The following CYRIB variants were observed in gnomAD, a reference collection of about 807,000 sequenced individuals.
CYRIB encodes the protein CYFIP related Rac1 interactor B.
In CYRIB, 8 loss-of-function variants were observed where a neutral mutation model predicts 44.2. The observed-to-expected ratio is 0.18, with a 90% CI of 0.11 to 0.33. The LOEUF is 0.33. Among genes scored for constraint, CYRIB ranks in the 10% least tolerant of loss-of-function variants. The pLI is 1.00. For synonymous variants in CYRIB, 131 were observed against 127.2 expected, an observed-to-expected ratio of 1.03 and a Z score of -0.20; for missense variants, 185 against 382.8, an observed-to-expected ratio of 0.48 and a Z score of 4.31.
chr8:129,997,119 AAGG>A (rs138647640), intron 1 of CYRIB, among the ~76,000 whole-genome samples: 51 of 89,928 alleles, frequency 5.7e-4, no homozygotes, highest in Middle Eastern at 6.0e-3. Flanking sequence ...GGAAGGAAGG[AAGG>A]AGGAGGAGGA....
intron 2 of CYRIB, among the ~76,000 whole-genome samples, chr8:129,892,176 G>A (rs1310715154): frequency 1.3e-5 from 2 of 151,986 alleles, no homozygotes; most frequent in Admixed American, 1.3e-4. Flanking sequence ...ATCAAGTACA[G>A]ACAAAGAGTA....
At chr8:129,984,155 G>A (rs1318098220) in intron 1 of CYRIB, among the ~76,000 whole-genome samples, 1 of 152,256 alleles carries the variant, frequency 6.6e-6, no homozygotes. Flanking sequence ...ATTTAGGGCT[G>A]TGGCAAGAAG....
At chr8:129,841,266 A>C (rs1159130275) in exon 12 of CYRIB, 1 of 152,234 alleles carries the variant, frequency 6.6e-6, no homozygotes, top group Non-Finnish European at 1.5e-5. Flanking sequence ...GTTAATGAAA[A>C]GATCACTGGT....
intron 2 of CYRIB, among the ~76,000 whole-genome samples, chr8:129,954,451 G>C (rs574719083): frequency 1.3e-5 from 2 of 152,218 alleles, no homozygotes; most frequent in East Asian, 3.9e-4. Context: ...TCGAACTCCT[G>C]ATCTCAGGTG....
chr8:129,911,247 AC>A (rs1563805494), intron 1 of CYRIB, among the ~76,000 whole-genome samples: 1 of 152,154 alleles, frequency 6.6e-6, no homozygotes, highest in Non-Finnish European at 1.5e-5. Context: ...TTAAAATTAA[AC>A]CCTTTTCATT....
intron 2 of CYRIB, among the ~76,000 whole-genome samples, chr8:129,963,074 T>C (rs772050592): frequency 2.0e-5 from 3 of 152,190 alleles, no homozygotes; most frequent in Non-Finnish European, 4.4e-5. Context: ...TGGACTCAGT[T>C]CTAAGACTTG....
chr8:129,969,939 T>A (rs1350453313), intron 2 of CYRIB, among the ~76,000 whole-genome samples: 1 of 152,168 alleles, frequency 6.6e-6, no homozygotes, highest in African/African-American at 2.4e-5. Flanking sequence ...CCTTTTGCTT[T>A]TGTTGAGCAA....
At chr8:129,885,547 G>C (rs1220477116) in intron 2 of CYRIB, among the ~76,000 whole-genome samples, 1 of 152,106 alleles carries the variant, frequency 6.6e-6, no homozygotes, top group Admixed American at 6.5e-5. Context: ...ACAATTCTTT[G>C]CTGTAGGGGA....
At chr8:129,877,305 G>A (rs146900335) in intron 3 of CYRIB, among the ~76,000 whole-genome samples, 8 of 152,162 alleles carry the variant, frequency 5.3e-5, no homozygotes, top group Admixed American at 4.6e-4. Flanking sequence ...TGCATTATTG[G>A]TTATTATTGT....
intron 1 of CYRIB, among the ~76,000 whole-genome samples, chr8:129,917,754 G>C (rs557674917): frequency 5.3e-4 from 81 of 152,250 alleles, no homozygotes; most frequent in African/African-American, 1.9e-3. Flanking sequence ...CTACTCAGGA[G>C]GCTGAGACAG....
intron 2 of CYRIB, among the ~76,000 whole-genome samples, chr8:129,894,925 A>T (rs1026245835): frequency 1.8e-4 from 27 of 148,680 alleles, no homozygotes; most frequent in African/African-American, 5.7e-4. Context: ...ATATATATAT[A>T]TATATTTTTT....
intron 1 of CYRIB, among the ~76,000 whole-genome samples, chr8:129,990,493 T>C (rs537296077): frequency 0.045 from 6,034 of 133,998 alleles, 140 homozygotes; most frequent in Middle Eastern, 0.08. Context: ...TGTGTGTGTG[T>C]ATGCGTGTGT....
chr8:129,839,888 G>A (rs968057053), exon 12 of CYRIB: 1 of 152,154 alleles, frequency 6.6e-6, no homozygotes, highest in African/African-American at 2.4e-5. Context: ...TTTTTGATTT[G>A]TATTCATTCA....
At chr8:129,877,612 G>A (rs912653459) in intron 3 of CYRIB, among the ~76,000 whole-genome samples, 2 of 147,640 alleles carry the variant, frequency 1.4e-5, no homozygotes, top group African/African-American at 2.5e-5. Flanking sequence ...TTGCGCCACT[G>A]CACTCTAGTC....
intron 3 of CYRIB, among the ~76,000 whole-genome samples, chr8:129,872,159 T>G (rs1453016963): frequency 6.6e-6 from 1 of 152,066 alleles, no homozygotes; most frequent in Non-Finnish European, 1.5e-5. Flanking sequence ...AGGTCAAGAA[T>G]CCTGTGCAGA....
At chr8:129,861,685 T>C (rs2049698048) in intron 5 of CYRIB, among the ~76,000 whole-genome samples, 3 of 151,402 alleles carry the variant, frequency 2.0e-5, no homozygotes, top group South Asian at 2.1e-4. Flanking sequence ...ACTCCTGAGC[T>C]CAAGCAATCT....
intron 1 of CYRIB, among the ~76,000 whole-genome samples, chr8:129,932,872 C>T (rs1046722923): frequency 2.6e-4 from 40 of 152,116 alleles, no homozygotes; most frequent in African/African-American, 8.9e-4. Flanking sequence ...TAAAGACTCC[C>T]CCACCTGTTT....
intron 1 of CYRIB, among the ~76,000 whole-genome samples, chr8:129,932,564 T>C (rs1324924388): frequency 3.3e-5 from 5 of 152,190 alleles, no homozygotes; most frequent in Non-Finnish European, 2.9e-5. Context: ...CAAATGCTGA[T>C]ACTCTGGCTA....
chr8:129,967,099 C>T (rs569690866), intron 2 of CYRIB, among the ~76,000 whole-genome samples: 10 of 151,928 alleles, frequency 6.6e-5, no homozygotes, highest in Non-Finnish European at 8.8e-5. Flanking sequence ...AGAGCGAGGC[C>T]CTACCTCAAA....
Sources: allele counts gnomAD v4.1 joint callset (sites outside exome capture counted in the v4.1 genomes callset), GRCh38; gene constraint gnomAD v4.1.1; transcripts MANE v1.5; gene names NCBI Gene and HGNC (gene_info 2026-07-23, HGNC 2026-07-21).